Variants in PHIP observed in about 807,000 individuals in gnomAD.
PHIP encodes PH-interacting protein.
Under a neutral mutation model 236.8 loss-of-function variants are expected in PHIP, and 54 were observed. That is an observed-to-expected ratio of 0.23 (90% CI 0.18 to 0.29). PHIP has a LOEUF of 0.29. PHIP is among the 10% of genes least tolerant of loss of function. PHIP has a pLI of 1.00. For missense variants in PHIP, 1,370 were observed against 2,190.8 expected (o/e 0.63, Z 7.48); for synonymous variants, 756 against 718.9 (o/e 1.05, Z -0.83).
chr6:79,060,604 A>G (rs1453972677), intron 5 of PHIP, 28 bp from the exon 6 acceptor site: 1 of 1,608,160 alleles, frequency 6.2e-7, no homozygotes, highest in African/African-American at 1.3e-5. Context: ...TTTTATGCAT[A>G]CAAAGAACAC....
intron 9 of PHIP, among the ~76,000 whole-genome samples, chr6:79,021,909 A>C (rs1771134392): frequency 6.6e-6 from 1 of 152,166 alleles, no homozygotes; most frequent in African/African-American, 2.4e-5. Flanking sequence ...TAAATGCTTA[A>C]AGGGATGGAG....
chr6:79,028,863 A>G (rs532979385), intron 7 of PHIP, among the ~76,000 whole-genome samples: 2 of 152,302 alleles, frequency 1.3e-5, no homozygotes, highest in South Asian at 2.1e-4. Context: ...GATGCTTCAC[A>G]TATTTTTCAT....
In PHIP at chr6:78,984,689, T is replaced by C. The variant is rs190373265; in HGVS notation, c.2537+663A>G. On this transcript the variant is annotated intron_variant, in intron 22 of 39. Transcript: ENST00000275034. ...GCACATCATTACCAGAAATCACTAC[T>C]GTGGGAATAGGAGAGCCCTTGATTG... is the stretch of plus-strand genomic sequence containing the variant. 6.3e-3 allele frequency among the ~76,000 whole-genome samples: 952 copies of C among 152,256 alleles called. 4 individuals carry two copies. Among genetic ancestry groups the C allele is most frequent in the Non-Finnish European group, 9.9e-3 (674 of 68,024 alleles).
rs575083222 is a variant in PHIP, at chr6:79,069,773, T to C, written c.189+7675A>G. ...GATGCCTATTATTTCTTTATAATTATAATAAAATTAATATAGAACCTTATT... is the reference window on the plus strand; with the variant it reads ...GATGCCTATTATTTCTTTATAATTACAATAAAATTAATATAGAACCTTATT... On this transcript the variant is annotated intron_variant, in intron 4 of 39. Coordinates refer to ENST00000275034, the MANE Select transcript of PHIP (RefSeq NM_017934.7). Among the ~76,000 whole-genome samples the C allele has an allele frequency of 5.3e-5, 8 of 152,064 alleles. No individual in the cohort carries two copies. The South Asian group carries it at 1.5e-3, about 28-fold the overall frequency.
intron 4 of PHIP, among the ~76,000 whole-genome samples, chr6:79,074,514 C>A (rs1050034937): frequency 7.2e-5 from 11 of 151,890 alleles, no homozygotes; most frequent in Admixed American, 7.2e-4. Context: ...GAAAAAGTGC[C>A]CCTTTTCTTT....
At chr6:78,970,239 ATTGTTG>A in intron 25 of PHIP, 66 bp from the exon 26 acceptor site, 1 of 1,398,900 alleles carries the variant, frequency 7.1e-7, no homozygotes, top group South Asian at 1.3e-5. Context: ...ACTGCTAAAC[ATTGTTG>A]AGAAAAAACT....
chr6:79,070,604 G>T (rs1473660351), intron 4 of PHIP, among the ~76,000 whole-genome samples: 1 of 152,220 alleles, frequency 6.6e-6, no homozygotes, highest in African/African-American at 2.4e-5. Flanking sequence ...AATAGACCAT[G>T]ACACATGACC....
intron 35 of PHIP, among the ~76,000 whole-genome samples, chr6:78,953,700 G>A (rs2127689693): frequency 6.6e-6 from 1 of 152,230 alleles, no homozygotes; most frequent in African/African-American, 2.4e-5. Flanking sequence ...ATCTGTTGAT[G>A]AAATTTCTTT....
intron 15 of PHIP, among the ~76,000 whole-genome samples, chr6:79,013,654 A>G (rs992769557): frequency 6.6e-6 from 1 of 151,722 alleles, no homozygotes; most frequent in African/African-American, 2.4e-5. Flanking sequence ...GAAAAGGTAG[A>G]ATATTAGTGT....
At chr6:79,042,147 G>A (rs974641588) in intron 7 of PHIP, among the ~76,000 whole-genome samples, 5 of 151,946 alleles carry the variant, frequency 3.3e-5, no homozygotes, top group African/African-American at 1.2e-4. Context: ...GTAGTATTAT[G>A]CTTAATGAAT....
chr6:78,976,025 T>C (rs1455556476), intron 24 of PHIP, among the ~76,000 whole-genome samples: 3 of 151,896 alleles, frequency 2.0e-5, no homozygotes, highest in African/African-American at 7.3e-5. Context: ...AAAAAACTAC[T>C]TTAAAGTTCA....
chr6:78,958,303 C>T, intron 32 of PHIP, 172 bp downstream of exon 32: 3 of 444,846 alleles, frequency 6.7e-6, no homozygotes, highest in African/African-American at 4.0e-5. Flanking sequence ...TTCTGAAACC[C>T]AGGATCAAAC....
intron 15 of PHIP, among the ~76,000 whole-genome samples, 154 bp downstream of exon 15, chr6:79,014,928 A>G (rs998033363): frequency 5.3e-5 from 8 of 151,876 alleles, no homozygotes; most frequent in African/African-American, 1.9e-4. Context: ...GCATGTCAAT[A>G]AAAGTGTGGA....
chr6:78,955,743 AATTTGTTCGTAAAACC>A, intron 32 of PHIP, 61 bp from the exon 33 acceptor site: 1 of 629,594 alleles, frequency 1.6e-6, no homozygotes, highest in Non-Finnish European at 2.8e-6. Context: ...TTTCCTTAAA[AATTTGTTCGTAAAACC>A]ATATTTTAAG....
At chr6:79,011,178 T>TTA (rs1770555990) in intron 15 of PHIP, among the ~76,000 whole-genome samples, 2 of 151,940 alleles carry the variant, frequency 1.3e-5, no homozygotes, top group South Asian at 4.1e-4. Flanking sequence ...TACCCAACTA[T>TTA]TATAGTTTGG....
At chr6:78,947,066 T>G (rs1448936690) in intron 36 of PHIP, among the ~76,000 whole-genome samples, 192 bp from the exon 37 acceptor site, 1 of 152,214 alleles carries the variant, frequency 6.6e-6, no homozygotes, top group African/African-American at 2.4e-5. Flanking sequence ...TTTTTGTGTT[T>G]AGAACAGAAA....
intron 32 of PHIP, chr6:78,957,412 T>G (rs1766493929): frequency 6.6e-6 from 1 of 151,780 alleles, no homozygotes; most frequent in African/African-American, 2.4e-5. Flanking sequence ...TGGAAAGCAA[T>G]AGATTTCTTA....
chr6:78,982,731 T>G (rs535108308), intron 23 of PHIP, among the ~76,000 whole-genome samples, 155 bp downstream of exon 23: 1 of 152,206 alleles, frequency 6.6e-6, no homozygotes, highest in Non-Finnish European at 1.5e-5. Flanking sequence ...CTAAATATAT[T>G]TAGGTAAACT....
intron 17 of PHIP, among the ~76,000 whole-genome samples, chr6:79,000,742 T>C (rs2127730772): frequency 6.6e-6 from 1 of 152,160 alleles, no homozygotes; most frequent in South Asian, 2.1e-4. Context: ...TGAGTATCTG[T>C]CCATACTTCT....
Sources: gnomAD v4.1 joint callset for allele counts (sites outside exome capture counted in the v4.1 genomes callset) on GRCh38, gnomAD v4.1.1 for gene constraint, MANE v1.5 for transcripts, NCBI Gene and HGNC (gene_info 2026-07-23, HGNC 2026-07-21) for gene names.